Variants in POLR3E observed in about 807,000 individuals in gnomAD.
POLR3E encodes RNA polymerase III subunit E, also known as DNA-directed RNA polymerase III subunit RPC5.
A neutral mutation model predicts 96.6 loss-of-function variants in POLR3E; 41 were observed. The observed-to-expected ratio is 0.42, with a 90% CI of 0.33 to 0.55. The LOEUF is 0.55. Ranked by LOEUF, POLR3E falls within the 20% of genes least tolerant of loss-of-function variation. POLR3E has a pLI of 0.06. For missense variants in POLR3E, 849 were observed against 952.1 expected (o/e 0.89, Z 1.43); for synonymous variants, 396 against 383.6 (o/e 1.03, Z -0.38).
chr16:22,321,304 A>T (rs1274681822), intron 13 of POLR3E, among the ~76,000 whole-genome samples: 1 of 152,242 alleles, frequency 6.6e-6, no homozygotes, highest in African/African-American at 2.4e-5. Flanking sequence ...ATGTAGTTTA[A>T]GGTGAGCAAT....
intron 13 of POLR3E, among the ~76,000 whole-genome samples, chr16:22,321,303 AAG>A (rs1223287709): frequency 4.6e-5 from 7 of 152,240 alleles, no homozygotes; most frequent in Non-Finnish European, 1.0e-4. Context: ...AATGTAGTTT[AAG>A]GTGAGCAATG....
intron 12 of POLR3E, among the ~76,000 whole-genome samples, chr16:22,317,671 T>TG (rs1567320992): frequency 1.9e-4 from 28 of 150,298 alleles, no homozygotes; most frequent in Middle Eastern, 3.4e-3. Context: ...TGTTGTTTTT[T>TG]TTTTTAAGGT....
intron 18 of POLR3E, 123 bp from the exon 19 acceptor site, chr16:22,328,387 C>A: frequency 2.6e-6 from 2 of 783,854 alleles, no homozygotes; most frequent in South Asian, 1.5e-5. Context: ...TGGTGAGTAG[C>A]AGAAGCTGGG....
chr16:22,308,030 A>G, intron 3 of POLR3E, 118 bp from the exon 4 acceptor site: 1 of 710,744 alleles, frequency 1.4e-6, no homozygotes, highest in Non-Finnish European at 2.5e-6. Flanking sequence ...CCCTTGTGGT[A>G]GGGTAAGGCC....
In POLR3E at chr16:22,318,100, C is replaced by G. The variant is rs1567321306; in HGVS notation, c.866-726C>G. Among the ~76,000 whole-genome samples the G allele has an allele frequency of 6.9e-6, 1 of 145,398 alleles. No homozygotes were observed. The highest frequency in any genetic ancestry group is 1.5e-5 in the Non-Finnish European group (1 of 65,710). On this transcript the variant is annotated intron_variant, in intron 12 of 20. Transcript: ENST00000299853. This position sits in a 1 kb window ranked among gnomAD's most constrained non-coding sequence, Gnocchi z 5.0. ...CTTCCTTCCTGCAGAGGACTTCGAACTTTTTTTTTTTTTGAGACAGTCTTG... is the reference window on the plus strand; with the variant it reads ...CTTCCTTCCTGCAGAGGACTTCGAAGTTTTTTTTTTTTTGAGACAGTCTTG...
Position 22,326,188 on chromosome 16 carries a change from GC to G in POLR3E, c.1782del (p.Gly595AlafsTer51). On this transcript the variant is annotated frameshift_variant, in exon 18 of 21. Transcript: ENST00000299853. LOFTEE classifies it high-confidence loss of function. ...TCTTCAATCTGCACTTGGCCAGCCT[GC>G]CCCCCGGCCACACACTCTTCAGCGG... ...RLFNLHLASL[P>X]PGHTLFSGIS... 2 of 1,613,926 alleles carry G rather than the reference GC, an allele frequency of 1.2e-6. No individual in the cohort carries two copies. Among genetic ancestry groups the G allele is most frequent in the Non-Finnish European group, 1.7e-6 (2 of 1,179,978 alleles).
In POLR3E at chr16:22,318,799, G is replaced by T. The variant is rs374347305; in HGVS notation, c.866-27G>T. On this transcript the variant is annotated intron_variant, in intron 12 of 20. Transcript: ENST00000299853. This position sits in a 1 kb window ranked among gnomAD's most constrained non-coding sequence, Gnocchi z 5.0. Reference sequence around the variant, plus strand: ...GGGAAGGGCCCGGCCCCTCTTCCTTGTCTGATGTCTCCTGCGTCCTCCTCA... The same window carrying T: ...GGGAAGGGCCCGGCCCCTCTTCCTTTTCTGATGTCTCCTGCGTCCTCCTCA... The T allele has an allele frequency of 4.9e-5, 78 of 1,605,060 alleles. No homozygotes were observed. The highest frequency in any genetic ancestry group is 6.0e-5 in the Non-Finnish European group (71 of 1,174,810).
chr16:22,313,508 G>T lies in POLR3E; in HGVS notation c.365-112G>T, dbSNP rs1567316012. 4.4e-6 allele frequency: 3 copies of T among 687,896 alleles called. No individual in the cohort carries two copies. The highest frequency in any genetic ancestry group is 7.9e-6 in the Non-Finnish European group (3 of 380,750). The allele number at this position is 687,896 out of a possible 1,614,324, so 42.6% of individuals were successfully genotyped here. On this transcript the variant is annotated intron_variant, in intron 6 of 20. Transcript: ENST00000299853. The surrounding 1 kb of genome is among the most constrained non-coding windows in gnomAD (Gnocchi z 4.1). ...ACTCTAGGATTGGGGGCTGCAGCGG[G>T]AATGGGAGGCGGTTTGATGGTGGGC...
Position 22,324,404 on chromosome 16 carries a change from C to G in POLR3E, c.1119C>G (p.Thr373=). 1 of 1,612,582 alleles carries G rather than the reference C, an allele frequency of 6.2e-7. No individual in the cohort carries two copies. The highest frequency in any genetic ancestry group is 1.3e-5 in the African/African-American group (1 of 74,792). ...SRWVVRKEVA[T]VTKLCAEDVK... Reference sequence around the variant, plus strand: ...GGGTGGTTAGGAAAGAGGTGGCAACCGTGACCAAAGTAAGTGGCGTTTTTG... The same window carrying G: ...GGGTGGTTAGGAAAGAGGTGGCAACGGTGACCAAAGTAAGTGGCGTTTTTG... The change falls in exon 15 of 21, where the codon ACC becomes ACG. Residue 373 remains threonine, a synonymous_variant. Transcript: ENST00000299853.
intron 1 of POLR3E, among the ~76,000 whole-genome samples, chr16:22,299,785 T>C (rs2047983250): frequency 6.6e-6 from 1 of 152,076 alleles, no homozygotes; most frequent in South Asian, 2.1e-4. Flanking sequence ...TGATCATAGC[T>C]CACTGCAGCC....
In POLR3E at chr16:22,326,255, G is replaced by A. The variant is rs948337022; in HGVS notation, c.1843G>A (p.Gly615Ser). 10 of 1,592,642 alleles carry A rather than the reference G, an allele frequency of 6.3e-6. No homozygotes were observed. Among genetic ancestry groups the A allele is most frequent in the Non-Finnish European group, 8.6e-6 (10 of 1,168,010 alleles). ...RMLQDTVLAA[G>S]CKQILVPFPP... ...GCTACAGGACACGGTGCTGGCCGCC[G>A]GTTGCAAGCAGATACTGGTGCCTGT... The change falls in exon 18 of 21, where the codon GGT becomes AGT. Residue 615 changes from glycine to serine, a missense_variant. Transcript: ENST00000299853.
chr16:22,333,074 A>G (rs2141830382), intron 20 of POLR3E, among the ~76,000 whole-genome samples: 1 of 145,862 alleles, frequency 6.9e-6, no homozygotes, highest in African/African-American at 2.5e-5. Flanking sequence ...TCCCAGTTTC[A>G]AGCAATTCTC....
At chr16:22,306,932 T>C (rs2048145497) in intron 3 of POLR3E, among the ~76,000 whole-genome samples, 1 of 152,188 alleles carries the variant, frequency 6.6e-6, no homozygotes, top group Non-Finnish European at 1.5e-5. Flanking sequence ...AAGCCTGTGC[T>C]GGGAGGGCCT....
intron 1 of POLR3E, among the ~76,000 whole-genome samples, chr16:22,298,347 T>A (rs2047939824): frequency 6.6e-6 from 1 of 152,230 alleles, no homozygotes; most frequent in Non-Finnish European, 1.5e-5. Flanking sequence ...ACTTGTGGCT[T>A]AGCGTCATTA....
chr16:22,317,680 G>GT (rs1238608033), intron 12 of POLR3E, among the ~76,000 whole-genome samples: 99 of 151,342 alleles, frequency 6.5e-4, no homozygotes, highest in African/African-American at 1.6e-3. Flanking sequence ...TTTTTTTAAG[G>GT]TTTTTTTAAA....
Position 22,333,706 on chromosome 16 carries a change from GT to G in POLR3E, c.*7del, listed in dbSNP as rs766765321. On this transcript the variant is annotated 3_prime_UTR_variant, in exon 21 of 21. Coordinates refer to ENST00000299853, the MANE Select transcript of POLR3E (RefSeq NM_018119.4). ...AAGGGACAGTACAGTCTTGACAATA[GT>G]AGCAAACTACTAACCCAGCAAATCT... is the stretch of plus-strand genomic sequence containing the variant. 1.1e-4 allele frequency: 174 copies of G among 1,595,842 alleles called. No individual in the cohort carries two copies. The highest frequency in any genetic ancestry group is 1.4e-4 in the Non-Finnish European group (167 of 1,163,386).
Position 22,313,489 on chromosome 16 carries a change from G to A in POLR3E, c.365-131G>A. Reference sequence around the variant, plus strand: ...CTGGCCTGGTGGTCCCAAGACTCTAGGATTGGGGGCTGCAGCGGGAATGGG... The same window carrying A: ...CTGGCCTGGTGGTCCCAAGACTCTAAGATTGGGGGCTGCAGCGGGAATGGG... On this transcript the variant is annotated intron_variant, in intron 6 of 20. Coordinates refer to ENST00000299853, the MANE Select transcript of POLR3E (RefSeq NM_018119.4). The surrounding 1 kb of genome is among the most constrained non-coding windows in gnomAD (Gnocchi z 4.1). 1 of 641,928 alleles carries A rather than the reference G, an allele frequency of 1.6e-6. No individual in the cohort carries two copies. The highest frequency in any genetic ancestry group is 2.8e-6 in the Non-Finnish European group (1 of 354,106). The allele number at this position is 641,928 out of a possible 1,614,324, so 39.8% of individuals were successfully genotyped here.
At chr16:22,316,850 C>G in intron 10 of POLR3E, 145 bp from the exon 11 acceptor site, 2 of 964,706 alleles carry the variant, frequency 2.1e-6, no homozygotes, top group South Asian at 2.7e-5. Flanking sequence ...AGAGATGGTC[C>G]ACTTTTCTGC....
chr16:22,305,530 C>T (rs2048116980), intron 3 of POLR3E: 2 of 559,368 alleles, frequency 3.6e-6, no homozygotes, highest in African/African-American at 3.7e-5. Context: ...TCACTTTCCT[C>T]ACTTGCAAAG....
Sources: allele counts gnomAD v4.1 joint callset (sites outside exome capture counted in the v4.1 genomes callset), GRCh38; gene constraint gnomAD v4.1.1; non-coding constraint Gnocchi (gnomAD v3.1); transcripts MANE v1.5; gene names NCBI Gene and HGNC (gene_info 2026-07-23, HGNC 2026-07-21).